Variants in MKNK1 observed in about 807,000 individuals in gnomAD.
MKNK1 encodes the protein MAPK interacting serine/threonine kinase 1, also known as MAP kinase-interacting serine/threonine-protein kinase 1.
In MKNK1, 30 loss-of-function variants were observed where a neutral mutation model predicts 49.3. The ratio of observed to expected loss-of-function variants is 0.61; its 90% CI spans 0.46 to 0.83. The LOEUF is 0.83. Among genes scored for constraint, MKNK1 ranks in the 40% least tolerant of loss-of-function variants. MKNK1 has a pLI of 0.00. For synonymous variants in MKNK1, 176 were observed against 201.7 expected (o/e 0.87, Z 1.08); for missense variants, 423 against 524.7 (o/e 0.81, Z 1.89).
At chr1:46,568,597 T>A in intron 7 of MKNK1, 99 bp from the exon 8 acceptor site, 1 of 1,146,346 alleles carries the variant, frequency 8.7e-7, no homozygotes, top group East Asian at 2.4e-5. Context: ...GTTCGCAGAT[T>A]AATTCCCAAT....
intron 4 of MKNK1, among the ~76,000 whole-genome samples, chr1:46,578,877 T>A (rs1288012031): frequency 1.3e-5 from 2 of 152,132 alleles, no homozygotes; most frequent in African/African-American, 4.8e-5. Context: ...TGCCTCAGCC[T>A]CCCAGGTAGC....
rs1670322747 is a variant in MKNK1 at position 46,572,375 on chromosome 1, G to C, written c.353-208C>G. 29 of 403,876 alleles carry C rather than the reference G, an allele frequency of 7.2e-5. No individual in the cohort carries two copies. The South Asian group carries it at 8.0e-4, about 11-fold the overall frequency. The allele number at this position is 403,876 out of a possible 1,614,324, so 25.0% of individuals were successfully genotyped here. A position where few individuals can be genotyped will look rare whatever the true frequency, so the allele number is the denominator to read the frequency against. ...TTACAGGCAGGCACCACCATGTCCA[G>C]CTAATTTTTGTACTTTTTTTTTTTA... On this transcript the variant is annotated intron_variant, in intron 6 of 12. Coordinates refer to ENST00000371945, the MANE Select transcript of MKNK1 (RefSeq NM_001135553.4).
chr1:46,576,709 T>C, intron 4 of MKNK1, 55 bp from the exon 5 acceptor site: 2 of 1,445,398 alleles, frequency 1.4e-6, no homozygotes, highest in East Asian at 2.3e-5. Flanking sequence ...AAACAGCCCT[T>C]TGGCAGGAGT....
At chr1:46,597,542 C>A (rs888596448) in intron 1 of MKNK1, among the ~76,000 whole-genome samples, 27 of 152,208 alleles carry the variant, frequency 1.8e-4, no homozygotes, top group Non-Finnish European at 3.1e-4. Context: ...TGTCCCAGAC[C>A]AACCCTCTAT....
rs538831898 is a variant in MKNK1, at chr1:46,592,038, G to A, written c.-3+2075C>T. Among the ~76,000 whole-genome samples, 248 of 152,278 alleles carry A rather than the reference G, an allele frequency of 1.6e-3. 1 individual carries two copies. The highest frequency in any genetic ancestry group is 5.7e-3 in the African/African-American group (237 of 41,552). ...GCAGACCACCTGAGTTCAGGAGTTC[G>A]AGCCCAGCCTGGCCAACATGGCAAA... is the stretch of plus-strand genomic sequence containing the variant. On this transcript the variant is annotated intron_variant, in intron 2 of 12. Transcript: ENST00000371945.
At chr1:46,569,303 C>A (rs917626931) in intron 7 of MKNK1, 1 of 152,268 alleles carries the variant, frequency 6.6e-6, no homozygotes, top group African/African-American at 2.4e-5. Context: ...AGCAGCTTAG[C>A]CCATGAGGGG....
chr1:46,566,431 T>C (rs1669080152), intron 8 of MKNK1, among the ~76,000 whole-genome samples: 1 of 152,260 alleles, frequency 6.6e-6, no homozygotes, highest in Admixed American at 6.5e-5. Context: ...CTCTACCTTT[T>C]TGGCTGTTGT....
chr1:46,579,572 C>T (rs958786642), intron 4 of MKNK1, among the ~76,000 whole-genome samples: 9 of 152,326 alleles, frequency 5.9e-5, no homozygotes, highest in African/African-American at 2.2e-4. Flanking sequence ...GTCAGAGTCA[C>T]CAGGAGAGTT....
In MKNK1 at chr1:46,558,796, T is replaced by G. The variant is rs2148522311; in HGVS notation, c.1018A>C (p.Ser340Arg). ...AAGAGCGTCAGGTCCATTGTGCTGCTGTTCCTGCAGGGCCAGGGGAAAGCA... is the reference window on the plus strand; with the variant it reads ...AAGAGCGTCAGGTCCATTGTGCTGCGGTTCCTGCAGGGCCAGGGGAAAGCA... ...LPTPQVLQRN[S>R]STMDLTLFAA... The change falls in exon 13 of 13, where the codon AGC becomes CGC. Residue 340 changes from serine (S) to arginine (R), a missense_variant. Transcript: ENST00000371945. The G allele has an allele frequency of 6.2e-7, 1 of 1,613,508 alleles. No individual in the cohort carries two copies. The highest frequency in any genetic ancestry group is 2.2e-5 in the East Asian group (1 of 44,888).
chr1:46,583,151 G>T lies in MKNK1; in HGVS notation c.100+77C>A. On this transcript the variant is annotated intron_variant, in intron 3 of 12. Transcript: ENST00000371945. The stretch of plus-strand genomic sequence containing the variant: ...CTCTAACTTGACGCATTCTGTGATC[G>T]GACCTGTGGCTCCCGGGATGCTCCT... The T allele has an allele frequency of 2.7e-6, 3 of 1,127,302 alleles. No homozygotes were observed. The South Asian group carries it at 3.9e-5, about 15-fold the overall frequency. The allele number at this position is 1,127,302 out of a possible 1,614,324, so 69.8% of individuals were successfully genotyped here. A position where few individuals can be genotyped will look rare whatever the true frequency, so the allele number is the denominator to read the frequency against.
chr1:46,561,696 G>C (rs1668007993), intron 10 of MKNK1, 54 bp from the exon 11 acceptor site: 1 of 1,583,594 alleles, frequency 6.3e-7, no homozygotes, highest in South Asian at 1.1e-5. Context: ...GGCAGGATGT[G>C]CCTGTCATTG....
intron 2 of MKNK1, among the ~76,000 whole-genome samples, chr1:46,583,984 T>A (rs957812159): frequency 1.3e-5 from 2 of 152,208 alleles, no homozygotes; most frequent in African/African-American, 4.8e-5. Flanking sequence ...CATTCAGAAG[T>A]CGGCAGTTGA....
Position 46,557,578 on chromosome 1 carries a change from T to C in MKNK1, c.*997A>G, listed in dbSNP as rs1193263185. 1 of 152,688 alleles carries C rather than the reference T, an allele frequency of 6.5e-6. No individual in the cohort carries two copies. The allele number at this position is 152,688 out of a possible 1,614,324, so 9.5% of individuals were successfully genotyped here. ...ATGCACACGGGCAGCAGGCACTGCA[T>C]TGCTCAAACAGGGAAGTGAGGCTTC... On this transcript the variant is annotated 3_prime_UTR_variant, in exon 13 of 13. Transcript: ENST00000371945.
intron 2 of MKNK1, among the ~76,000 whole-genome samples, chr1:46,591,594 T>C (rs539695086): frequency 6.6e-6 from 1 of 152,004 alleles, no homozygotes; most frequent in Non-Finnish European, 1.5e-5. Context: ...GAGCAGCGTG[T>C]AGAAAGCTGA....
rs562847949 is a variant in MKNK1, at chr1:46,560,136, A to C, written c.1013+98T>G. On this transcript the variant is annotated intron_variant, in intron 12 of 12. Transcript: ENST00000371945. ...ATGGGCAGGGAGCCCCTTTGGAGAA[A>C]GCTACCTGAGCCTAGAGATGGGCTC... 55 of 1,387,406 alleles carry C rather than the reference A, an allele frequency of 4.0e-5. No individual in the cohort carries two copies. The African/African-American group carries it at 7.7e-4, about 19-fold the overall frequency. 85.9% of individuals were successfully genotyped at this position (1,387,406 alleles called of 1,614,324 possible). A position where few individuals can be genotyped will look rare whatever the true frequency, so the allele number is the denominator to read the frequency against.
At chr1:46,598,576 T>A (rs1227115947) in intron 1 of MKNK1, among the ~76,000 whole-genome samples, 7 of 152,256 alleles carry the variant, frequency 4.6e-5, no homozygotes, top group Admixed American at 3.9e-4. Context: ...AAAGCTCACA[T>A]TCATTGAGCA....
chr1:46,576,619 C>T lies in MKNK1; in HGVS notation c.234G>A (p.Arg78=). The T allele has an allele frequency of 6.2e-7, 1 of 1,614,116 alleles. No individual in the cohort carries two copies. The highest frequency in any genetic ancestry group is 8.5e-7 in the Non-Finnish European group (1 of 1,180,004). The change falls in exon 5 of 13, where the codon AGG becomes AGA. Residue 78 remains arginine (R), a synonymous_variant. Transcript: ENST00000371945. The stretch of plus-strand genomic sequence containing the variant: ...ACAGCGTCTCCACCTCTCGAAACAC[C>T]CTACTCCGACTGTGCCCTGCTTGTT... ...IEKQAGHSRS[R]VFREVETLYQ...
intron 12 of MKNK1, 78 bp from the exon 13 acceptor site, chr1:46,558,878 TTGC>T (rs1187210081): frequency 4.7e-6 from 6 of 1,263,956 alleles, no homozygotes; most frequent in Non-Finnish European, 6.7e-6. Context: ...ACACTCCCAC[TTGC>T]TGCTGTGGCT....
rs139194257 is a variant in MKNK1, at chr1:46,572,198, C to T, written c.353-31G>A. On this transcript the variant is annotated intron_variant, in intron 6 of 12. Transcript: ENST00000371945. ...GAGCAGAGGGGACATAGAAGAATGC[C>T]TTTTTGGGCTCTAGTAAGTATAAGT... is the stretch of plus-strand genomic sequence containing the variant. 3.6e-3 allele frequency: 5,766 copies of T among 1,585,252 alleles called. 16 individuals are homozygous for T. Among genetic ancestry groups the T allele is most frequent in the Non-Finnish European group, 4.4e-3 (5,100 of 1,154,376 alleles).
Sources: gnomAD v4.1 joint callset for allele counts (sites outside exome capture counted in the v4.1 genomes callset) on GRCh38, gnomAD v4.1.1 for gene constraint, MANE v1.5 for transcripts, NCBI Gene and HGNC (gene_info 2026-07-23, HGNC 2026-07-21) for gene names.